Variants in APBB2 observed in about 807,000 individuals in gnomAD.
APBB2 encodes the protein amyloid beta precursor protein binding family B member 2.
In APBB2, 38 loss-of-function variants were observed where a neutral mutation model predicts 82.5. The observed-to-expected ratio is 0.46, with a 90% confidence interval of 0.36 to 0.60. The LOEUF is 0.60. Ranked by LOEUF, APBB2 falls within the 20% of genes least tolerant of loss-of-function variation. The pLI is 0.00. For synonymous variants in APBB2, 341 were observed against 368.2 expected (o/e 0.93, Z 0.85); for missense variants, 772 against 972.3 (o/e 0.79, Z 2.74).
At chr4:41,188,491 A>G (rs989036574) in intron 1 of APBB2, among the ~76,000 whole-genome samples, 3 of 152,112 alleles carry the variant, frequency 2.0e-5, no homozygotes, top group Admixed American at 6.6e-5. Flanking sequence ...CTTATAAAAG[A>G]TCCTCTACGA....
chr4:41,063,823 C>G (rs979050107), intron 4 of APBB2, among the ~76,000 whole-genome samples: 2 of 151,970 alleles, frequency 1.3e-5, no homozygotes, highest in Non-Finnish European at 2.9e-5. Context: ...GGACTACAGG[C>G]ACATGCCACC....
intron 1 of APBB2, among the ~76,000 whole-genome samples, chr4:41,170,395 T>A (rs185089621): frequency 6.6e-6 from 1 of 152,152 alleles, no homozygotes; most frequent in South Asian, 2.1e-4. Flanking sequence ...TTCACATCCA[T>A]TTGGAAGGAA....
intron 2 of APBB2, among the ~76,000 whole-genome samples, chr4:41,117,413 C>T (rs1751393643): frequency 6.6e-6 from 1 of 151,676 alleles, no homozygotes; most frequent in East Asian, 1.9e-4. Flanking sequence ...CTGCCTCAGC[C>T]TCTCGAATAG....
At chr4:41,138,317 A>T (rs943849864) in intron 2 of APBB2, among the ~76,000 whole-genome samples, 1 of 152,220 alleles carries the variant, frequency 6.6e-6, no homozygotes, top group African/African-American at 2.4e-5. Flanking sequence ...AAAACTTCTG[A>T]GCACCAAACA....
intron 10 of APBB2, among the ~76,000 whole-genome samples, chr4:40,913,366 C>T (rs936997662): frequency 2.6e-5 from 4 of 152,194 alleles, no homozygotes; most frequent in Non-Finnish European, 4.4e-5. Context: ...GCTCCCTAGG[C>T]GGAATCTGAG....
At chr4:40,958,362 G>C (rs1446098235) in intron 6 of APBB2, among the ~76,000 whole-genome samples, 2 of 152,112 alleles carry the variant, frequency 1.3e-5, no homozygotes, top group Non-Finnish European at 2.9e-5. Flanking sequence ...AGGCTTAAGG[G>C]TGCTCCTTCC....
intron 4 of APBB2, among the ~76,000 whole-genome samples, chr4:41,055,909 C>G (rs77556285): frequency 6.6e-6 from 1 of 152,206 alleles, no homozygotes; most frequent in Admixed American, 6.5e-5. Flanking sequence ...AATGTAACTT[C>G]TGGCTGGGCG....
At chr4:41,152,248 T>C (rs1304902933) in intron 1 of APBB2, among the ~76,000 whole-genome samples, 1 of 152,124 alleles carries the variant, frequency 6.6e-6, no homozygotes, top group Non-Finnish European at 1.5e-5. Context: ...AGTAATTTTA[T>C]ATTCTATATC....
chr4:40,986,095 C>A (rs1465394367), intron 6 of APBB2, among the ~76,000 whole-genome samples: 2 of 152,094 alleles, frequency 1.3e-5, no homozygotes, highest in African/African-American at 4.8e-5. Flanking sequence ...ACAAGAAAGC[C>A]AAAAACTTGA....
At chr4:41,206,360 C>G (rs974776659) in intron 1 of APBB2, among the ~76,000 whole-genome samples, 1 of 152,186 alleles carries the variant, frequency 6.6e-6, no homozygotes, top group African/African-American at 2.4e-5. Context: ...CACCCTATAA[C>G]CAATGTTCTG....
intron 10 of APBB2, among the ~76,000 whole-genome samples, chr4:40,904,767 C>A (rs1289604465): frequency 6.8e-6 from 1 of 147,816 alleles, no homozygotes; most frequent in African/African-American, 2.5e-5. Context: ...TCTGGGGATT[C>A]TCTGGAGTGA....
rs1560444973 is a variant in APBB2 at position 40,982,213 on chromosome 4, AAAAGAAAGGAAAGAAAGAAAGAAAGAAAG to A, written c.835+31341_835+31369del. Among the ~76,000 whole-genome samples the A allele has an allele frequency of 9.0e-3, 265 of 29,606 alleles. 12 individuals are homozygous for A. Among genetic ancestry groups the A allele is most frequent in the Non-Finnish European group, 0.013 (189 of 14,726 alleles). 19.4% of individuals were successfully genotyped at this position (29,606 alleles called of 152,430 possible). ...AAAAAAGGAAAGAAAGAAAAGAAAG[AAAAGAAAGGAAAGAAAGAAAGAAAGAAAG>A]AAAGAAAGAAAGAAAGAAAGAAAGA... is the stretch of plus-strand genomic sequence containing the variant. On this transcript the variant is annotated intron_variant, in intron 6 of 17. Transcript: ENST00000508593.
intron 5 of APBB2, among the ~76,000 whole-genome samples, chr4:41,025,935 C>G (rs566885729): frequency 2.0e-3 from 275 of 135,308 alleles, no homozygotes; most frequent in Admixed American, 4.2e-3. Flanking sequence ...GAGTGAGACT[C>G]CATCTCCACA....
chr4:40,812,058 T>C lies in APBB2; in HGVS notation c.*4034A>G, dbSNP rs1453968654. 1.3e-5 allele frequency: 2 copies of C among 152,310 alleles called. No homozygotes were observed. Among genetic ancestry groups the C allele is most frequent in the South Asian group, 2.1e-4 (1 of 4,824 alleles). 9.4% of individuals were successfully genotyped at this position (152,310 alleles called of 1,614,324 possible). On this transcript the variant is annotated 3_prime_UTR_variant, in exon 18 of 18. Transcript: ENST00000508593. Reference sequence around the variant, plus strand: ...GTTGGTGACTAAATAGGCTTCTATGTCCGGAAGGCCAGCTGGCCTTCCTGA... The same window carrying C: ...GTTGGTGACTAAATAGGCTTCTATGCCCGGAAGGCCAGCTGGCCTTCCTGA...
At chr4:41,121,781 G>A (rs1752903610) in intron 2 of APBB2, among the ~76,000 whole-genome samples, 2 of 152,166 alleles carry the variant, frequency 1.3e-5, no homozygotes, top group Non-Finnish European at 1.5e-5. Context: ...AGGAGTGGGA[G>A]GAGCTTGGCT....
chr4:40,997,894 G>A (rs1804088272), intron 6 of APBB2, among the ~76,000 whole-genome samples: 1 of 152,150 alleles, frequency 6.6e-6, no homozygotes, highest in Non-Finnish European at 1.5e-5. Flanking sequence ...GTGCTTCCAT[G>A]GCATACTGAA....
intron 4 of APBB2, among the ~76,000 whole-genome samples, chr4:41,050,283 CA>C (rs1184715327): frequency 6.6e-6 from 1 of 152,138 alleles, no homozygotes; most frequent in African/African-American, 2.4e-5. Context: ...TAGACAGGAA[CA>C]AGGAGATAAG....
chr4:41,088,320 T>G (rs1740530036), intron 3 of APBB2, among the ~76,000 whole-genome samples: 2 of 152,232 alleles, frequency 1.3e-5, no homozygotes, highest in Admixed American at 1.3e-4. Context: ...CAAAGACTCT[T>G]GACCACATCA....
At chr4:40,834,830 G>A (rs925887034) in intron 12 of APBB2, among the ~76,000 whole-genome samples, 2 of 152,136 alleles carry the variant, frequency 1.3e-5, no homozygotes, top group African/African-American at 4.8e-5. Context: ...ACTGGGATTT[G>A]ACATTTCTGA....
Sources: allele counts gnomAD v4.1 joint callset (sites outside exome capture counted in the v4.1 genomes callset), GRCh38; gene constraint gnomAD v4.1.1; transcripts MANE v1.5; gene names NCBI Gene and HGNC (gene_info 2026-07-23, HGNC 2026-07-21).